PIK3C2B: variants seen among roughly 807,000 people sequenced by gnomAD.
PIK3C2B encodes phosphatidylinositol 4-phosphate 3-kinase C2 domain-containing subunit beta.
A neutral mutation model predicts 184.3 loss-of-function variants in PIK3C2B; 83 were observed. The observed-to-expected ratio is 0.45, with a 90% confidence interval of 0.38 to 0.54. The LOEUF is 0.54. Among genes scored for constraint, PIK3C2B ranks in the 20% least tolerant of loss-of-function variants. The probability of loss-of-function intolerance (pLI) is 0.00; values close to 1 mark genes in which losing one functional copy is unlikely to be tolerated. For missense variants in PIK3C2B, 1,736 were observed against 2,113.5 expected (o/e 0.82, Z 3.50); for synonymous variants, 779 against 837.6 (o/e 0.93, Z 1.21).
chr1:204,485,361 T>G (rs1312030704), intron 1 of PIK3C2B, among the ~76,000 whole-genome samples: 9 of 152,252 alleles, frequency 5.9e-5, no homozygotes, highest in Middle Eastern at 3.4e-3. Context: ...ACCAAAAAAT[T>G]TGTTATTCCT....
chr1:204,424,818 C>G lies in PIK3C2B; in HGVS notation c.*34G>C. 1 of 1,608,650 alleles carries G rather than the reference C, an allele frequency of 6.2e-7. No homozygotes were observed. On this transcript the variant is annotated 3_prime_UTR_variant, in exon 33 of 33. Transcript: ENST00000684373. ...AGTCCTCTCCCCCAGCTCCTGCCAC[C>G]AGCCTGGGATGCTGGGTGGTGGCTC...
At chr1:204,429,630 T>C (rs866906579) in intron 29 of PIK3C2B, among the ~76,000 whole-genome samples, 9 of 152,342 alleles carry the variant, frequency 5.9e-5, no homozygotes, top group South Asian at 2.1e-4. Flanking sequence ...AAAAACTTTT[T>C]CCTCAAAGAG....
Position 204,461,488 on chromosome 1 carries a change from C to T in PIK3C2B, c.1311-827G>A, listed in dbSNP as rs961818760. ...GCCTCAGCAGCTGGGTAACAGAAGC[C>T]GGAAAAGGACTTCCTTCCTCAGCAG... On this transcript the variant is annotated intron_variant, in intron 5 of 32. Coordinates refer to ENST00000684373, the MANE Select transcript of PIK3C2B (RefSeq NM_001377334.1). Among the ~76,000 whole-genome samples the T allele has an allele frequency of 5.5e-4, 83 of 152,194 alleles. 1 individual carries two copies. Among genetic ancestry groups the T allele is most frequent in the Non-Finnish European group, 2.4e-4 (16 of 68,020 alleles).
chr1:204,473,775 G>A (rs2103521441), intron 1 of PIK3C2B, among the ~76,000 whole-genome samples: 1 of 152,262 alleles, frequency 6.6e-6, no homozygotes, highest in South Asian at 2.1e-4. Flanking sequence ...TTGGCCCAGG[G>A]GAAGCAGATT....
Position 204,469,799 on chromosome 1 carries a change from A to T in PIK3C2B, c.4T>A (p.Ser2Thr). The T allele has an allele frequency of 6.2e-7, 1 of 1,611,254 alleles. No individual in the cohort carries two copies. Among genetic ancestry groups the T allele is most frequent in the Non-Finnish European group, 8.5e-7 (1 of 1,177,502 alleles). The stretch of plus-strand genomic sequence containing the variant: ...TGTTCCCCATTGCCCTGAGTCGAAG[A>T]CATGGTGAGGATGGGGGACACAGGC... MSSTQGNGEHWK... is the reference protein window; with the variant it reads MTSTQGNGEHWK... Residue 2 changes from serine (S) to threonine (T), a missense_variant, in exon 2 of 33, where the codon TCT becomes ACT. Physicochemically the swap from Ser to Thr is moderately conservative, Grantham distance 58 (BLOSUM62 1). Coordinates refer to ENST00000684373, the MANE Select transcript of PIK3C2B (RefSeq NM_001377334.1).
rs1324859045 is a variant in PIK3C2B, at chr1:204,469,483, G to A, written c.320C>T (p.Thr107Ile). Residue 107 changes from threonine (T) to isoleucine (I), a missense_variant, in exon 2 of 33, where the codon ACC (threonine) becomes ATC (isoleucine). Thr to Ile is a moderately conservative substitution (Grantham distance 89). Around this residue, in one of 8 missense-constraint regions of PIK3C2B, gnomAD observed 404 missense variants for 418.0 expected, o/e 0.97. Coordinates refer to ENST00000684373, the MANE Select transcript of PIK3C2B (RefSeq NM_001377334.1). ...SPQEGPPNHS[T>I]SQGPQPGSDP... ...TGAGCCAGGCTGTGGCCCTTGGGAGGTAGAGTGGTTGGGCGGCCCTTCCTG... is the reference window on the plus strand; with the variant it reads ...TGAGCCAGGCTGTGGCCCTTGGGAGATAGAGTGGTTGGGCGGCCCTTCCTG... 3 of 1,606,576 alleles carry A rather than the reference G, an allele frequency of 1.9e-6. No individual in the cohort carries two copies. Among genetic ancestry groups the A allele is most frequent in the Admixed American group, 3.4e-5 (2 of 59,244 alleles).
chr1:204,441,408 ACTCTAGGCTGCCTCCTTCT>A, intron 21 of PIK3C2B, 44 bp downstream of exon 21: 1 of 1,047,766 alleles, frequency 9.5e-7, no homozygotes, highest in South Asian at 1.3e-5. Context: ...ACTTAATGCC[ACTCTAGGCTGCCTCCTTCT>A]CTCTCCCACC....
chr1:204,455,243 C>A (rs938635218), intron 11 of PIK3C2B, among the ~76,000 whole-genome samples: 1 of 150,270 alleles, frequency 6.7e-6, no homozygotes, highest in East Asian at 2.0e-4. Flanking sequence ...GAGAAGGCCC[C>A]GGTTTCCCAG....
In PIK3C2B at chr1:204,436,403, G is replaced by A. The variant is rs574612009; in HGVS notation, c.3517-1795C>T. Among the ~76,000 whole-genome samples, 47 of 152,266 alleles carry A rather than the reference G, an allele frequency of 3.1e-4. No individual in the cohort carries two copies. The East Asian group carries it at 5.0e-3, about 16-fold the overall frequency. The stretch of plus-strand genomic sequence containing the variant: ...AAATTAGCTGGGCATGGTGGCACAT[G>A]CCTGTAGTCCCAGCTACTTGGAAGG... On this transcript the variant is annotated intron_variant, in intron 23 of 32. Transcript: ENST00000684373.
rs78930382 is a variant in PIK3C2B, at chr1:204,460,365, G to A, written c.1461C>T (p.Leu487=). The A allele has an allele frequency of 1.4e-4, 227 of 1,613,982 alleles. 1 individual carries two copies. The highest frequency in any genetic ancestry group is 1.1e-3 in the African/African-American group (82 of 75,002). ...TGACAGGCCTCTCTTGGAGATGGAC[G>A]AGGTAGTTCAAGGTGGAGGGGCTCT... ...DDQSPSTLNY[L]VHLQERPVKQ... Residue 487 remains leucine (L), a synonymous_variant, in exon 7 of 33, where the codon CTC becomes CTT. Transcript: ENST00000684373.
intron 23 of PIK3C2B, among the ~76,000 whole-genome samples, chr1:204,438,630 A>C (rs1179625549): frequency 1.3e-5 from 2 of 152,222 alleles, no homozygotes; most frequent in Non-Finnish European, 2.9e-5. Context: ...GAGGATCCAC[A>C]ACTGGGAGGG....
At chr1:204,458,074 T>C (rs1379038797) in intron 8 of PIK3C2B, among the ~76,000 whole-genome samples, 200 bp from the exon 9 acceptor site, 3 of 152,246 alleles carry the variant, frequency 2.0e-5, no homozygotes, top group Non-Finnish European at 4.4e-5. Flanking sequence ...CAATGGGCCA[T>C]GCCCACATGC....
At chr1:204,429,860 T>C in intron 29 of PIK3C2B, 61 bp downstream of exon 29, 1 of 1,116,402 alleles carries the variant, frequency 9.0e-7, no homozygotes, top group Non-Finnish European at 1.4e-6. Context: ...TGCTTCCACC[T>C]CTGCCTCCCC....
intron 1 of PIK3C2B, among the ~76,000 whole-genome samples, chr1:204,485,117 C>G (rs539994796): frequency 6.6e-6 from 1 of 151,156 alleles, no homozygotes; most frequent in Non-Finnish European, 1.5e-5. Flanking sequence ...GGTGTGATCA[C>G]GGATCACTGC....
At chr1:204,465,131 T>A in intron 3 of PIK3C2B, 88 bp downstream of exon 3, 1 of 784,298 alleles carries the variant, frequency 1.3e-6, no homozygotes, top group Non-Finnish European at 2.3e-6. Context: ...TGGTGCTTCT[T>A]CCCTCCTAAA....
At chr1:204,473,244 G>A (rs1656439590) in intron 1 of PIK3C2B, among the ~76,000 whole-genome samples, 2 of 152,244 alleles carry the variant, frequency 1.3e-5, no homozygotes. Flanking sequence ...ACCCTGGTCT[G>A]AAGGGTTCTG....
chr1:204,430,161 C>T, intron 28 of PIK3C2B, 123 bp from the exon 29 acceptor site: 2 of 658,530 alleles, frequency 3.0e-6, no homozygotes, highest in South Asian at 1.8e-5. Flanking sequence ...TTCCCAGCAG[C>T]CTCCATTTCT....
Position 204,469,072 on chromosome 1 carries a change from T to C in PIK3C2B, c.731A>G (p.Tyr244Cys), listed in dbSNP as rs756710370. 1.2e-6 allele frequency: 2 copies of C among 1,614,192 alleles called. No homozygotes were observed. The highest frequency in any genetic ancestry group is 1.7e-6 in the Non-Finnish European group (2 of 1,180,038). Residue 244 changes from tyrosine (Y) to cysteine (C), a missense_variant, in exon 2 of 33, where the codon TAT becomes TGT. Tyr to Cys is a radical substitution (Grantham distance 194). Transcript: ENST00000684373. ...GGCATCCCGCAACATCTCCGCATCA[T>C]AGGTCGATTTCAAGTTGAGCCTAGT... Reference protein sequence around the residue: ...AITRLNLKSTYDAEMLRDATR... With the variant: ...AITRLNLKSTCDAEMLRDATR...
chr1:204,469,395 C>G lies in PIK3C2B; in HGVS notation c.408G>C (p.Gly136=). Residue 136 remains glycine (G), a synonymous_variant, in exon 2 of 33, where the codon GGG becomes GGC. Transcript: ENST00000684373. ...CTGGTCCTGGGGACGAAGAGACTCCCCCATCTGAACCATCAAAAATGTAGA... is the reference window on the plus strand; with the variant it reads ...CTGGTCCTGGGGACGAAGAGACTCCGCCATCTGAACCATCAAAAATGTAGA... ...DYLYIFDGSD[G]GVSSSPGPGD... 3.3e-6 allele frequency: 5 copies of G among 1,537,324 alleles called. No individual in the cohort carries two copies. Among genetic ancestry groups the G allele is most frequent in the Non-Finnish European group, 4.4e-6 (5 of 1,146,714 alleles).
Sources: gnomAD v4.1 joint callset for allele counts (sites outside exome capture counted in the v4.1 genomes callset) on GRCh38, gnomAD v4.1.1 for gene constraint, gnomAD v4.1.1 regional missense constraint, MANE v1.5 for transcripts, NCBI Gene and HGNC (gene_info 2026-07-23, HGNC 2026-07-21) for gene names.